The following KAZN variants were observed in gnomAD, a reference collection of about 807,000 sequenced individuals.
KAZN encodes kazrin, periplakin interacting protein, also known as kazrin.
KAZN carries 40 observed loss-of-function variants against 87.4 expected under a neutral mutation model. The ratio of observed to expected loss-of-function variants is 0.46; its 90% CI spans 0.36 to 0.60. KAZN has a LOEUF of 0.60. Among genes scored for constraint, KAZN ranks in the 20% least tolerant of loss-of-function variants. The probability of loss-of-function intolerance (pLI) is 0.00; values close to 1 mark genes in which losing one functional copy is unlikely to be tolerated. For missense variants in KAZN, 898 were observed against 1,073.9 expected, an observed-to-expected ratio of 0.84 and a Z score of 2.29; for synonymous variants, 466 against 458.3, an observed-to-expected ratio of 1.02 and a Z score of -0.22.
intron 2 of KAZN, among the ~76,000 whole-genome samples, chr1:14,393,697 A>AT (rs1006678894): frequency 2.0e-5 from 3 of 152,078 alleles, no homozygotes; most frequent in African/African-American, 4.8e-5. Context: ...GCTAGCATTG[A>AT]GGACCTAAAT....
intron 1 of KAZN, among the ~76,000 whole-genome samples, chr1:14,883,343 A>G (rs1572721745): frequency 3.9e-4 from 13 of 33,290 alleles, no homozygotes; most frequent in East Asian, 2.0e-3. Context: ...AGAGAGAGAG[A>G]AAGAAAGAAA....
In KAZN at chr1:15,044,072, G is replaced by A; in HGVS notation, c.639G>A (p.Lys213=). The A allele has an allele frequency of 1.2e-6, 2 of 1,612,912 alleles. No individual in the cohort carries two copies. Among genetic ancestry groups the A allele is most frequent in the African/African-American group, 2.7e-5 (2 of 75,050 alleles). Reference sequence around the variant, plus strand: ...AGTGGGAGCTGCGGCGCCAAGCCAAGGAGGCCACAGACCACGCCACGGCAC... The same window carrying A: ...AGTGGGAGCTGCGGCGCCAAGCCAAAGAGGCCACAGACCACGCCACGGCAC... ...REKWELRRQA[K]EATDHATALR... The change falls in exon 4 of 15, where the codon AAG becomes AAA. Residue 213 remains lysine (K), a synonymous_variant. Transcript: ENST00000376030.
chr1:14,457,294 C>A (rs1667615797), intron 2 of KAZN, among the ~76,000 whole-genome samples: 1 of 152,190 alleles, frequency 6.6e-6, no homozygotes, highest in South Asian at 2.1e-4. Context: ...TCTTCATATG[C>A]ATGTTAACCC....
intron 2 of KAZN, among the ~76,000 whole-genome samples, chr1:14,485,362 G>A (rs1433748993): frequency 6.6e-6 from 1 of 152,192 alleles, no homozygotes; most frequent in African/African-American, 2.4e-5. Context: ...TGAGGTAGGA[G>A]GTGGGACTCA....
At chr1:14,703,694 A>G (rs1207055005) in intron 1 of KAZN, among the ~76,000 whole-genome samples, 1 of 152,180 alleles carries the variant, frequency 6.6e-6, no homozygotes, top group Non-Finnish European at 1.5e-5. Context: ...CCTGGACCAC[A>G]TAGTGAGACT....
chr1:15,097,616 C>T (rs991631986), intron 10 of KAZN, among the ~76,000 whole-genome samples: 2 of 152,106 alleles, frequency 1.3e-5, no homozygotes. Flanking sequence ...ATCAGGAGTT[C>T]GAGACCAGCC....
chr1:14,194,192 C>T (rs186412360), intron 2 of KAZN, among the ~76,000 whole-genome samples: 1 of 152,176 alleles, frequency 6.6e-6, no homozygotes. Context: ...AATCTTGATA[C>T]TTTAGAGGAC....
chr1:14,670,402 G>T (rs1393430580), intron 1 of KAZN, among the ~76,000 whole-genome samples: 3 of 152,186 alleles, frequency 2.0e-5, no homozygotes, highest in Non-Finnish European at 1.5e-5. Context: ...GCTTCAGTAG[G>T]TCTGAGGTGG....
chr1:14,688,728 C>G (rs895257829), intron 1 of KAZN, among the ~76,000 whole-genome samples: 1 of 152,230 alleles, frequency 6.6e-6, no homozygotes, highest in African/African-American at 2.4e-5. Flanking sequence ...AGAACCTTGC[C>G]AAGGACACTG....
At chr1:14,903,619 T>C (rs1436166415) in intron 1 of KAZN, among the ~76,000 whole-genome samples, 1 of 152,218 alleles carries the variant, frequency 6.6e-6, no homozygotes, top group Non-Finnish European at 1.5e-5. Context: ...TGGCTAAAGA[T>C]AGGGATGATG....
chr1:14,250,309 A>G (rs1259907873), intron 2 of KAZN, among the ~76,000 whole-genome samples: 1 of 152,020 alleles, frequency 6.6e-6, no homozygotes, highest in Non-Finnish European at 1.5e-5. Flanking sequence ...CTCTATAAAT[A>G]CACTCATTTT....
chr1:13,976,239 T>C (rs915622087), intron 1 of KAZN, among the ~76,000 whole-genome samples: 3 of 152,206 alleles, frequency 2.0e-5, no homozygotes, highest in Admixed American at 6.5e-5. Flanking sequence ...TCCAAATGCA[T>C]CCATGCTTTT....
At chr1:14,601,285 G>A (rs1447307858) in intron 1 of KAZN, among the ~76,000 whole-genome samples, 1 of 152,166 alleles carries the variant, frequency 6.6e-6, no homozygotes, top group Non-Finnish European at 1.5e-5. Flanking sequence ...CTACTTGATT[G>A]TTGGCCGCAT....
intron 3 of KAZN, among the ~76,000 whole-genome samples, chr1:15,040,659 G>A (rs537523048): frequency 2.0e-5 from 3 of 151,966 alleles, no homozygotes; most frequent in Non-Finnish European, 2.9e-5. Context: ...CCAGCTACTC[G>A]GGAGGCTGAG....
At chr1:14,620,423 G>C (rs1286132634) in intron 1 of KAZN, among the ~76,000 whole-genome samples, 1 of 152,204 alleles carries the variant, frequency 6.6e-6, no homozygotes, top group Non-Finnish European at 1.5e-5. Context: ...TATCACCGTT[G>C]TTATTATTGA....
intron 1 of KAZN, among the ~76,000 whole-genome samples, chr1:14,761,752 G>T (rs532169825): frequency 6.6e-6 from 1 of 152,250 alleles, no homozygotes; most frequent in East Asian, 1.9e-4. Flanking sequence ...TCTTTTCTCA[G>T]TTCCAAGCCT....
chr1:14,833,274 T>A (rs1647104603), intron 1 of KAZN, among the ~76,000 whole-genome samples: 1 of 152,042 alleles, frequency 6.6e-6, no homozygotes, highest in Non-Finnish European at 1.5e-5. Flanking sequence ...GAAAGAACAA[T>A]GAGTGTCCAT....
intron 2 of KAZN, among the ~76,000 whole-genome samples, chr1:14,515,801 T>C (rs1222416261): frequency 6.6e-6 from 1 of 152,082 alleles, no homozygotes; most frequent in Non-Finnish European, 1.5e-5. Context: ...GTCTGCTTGG[T>C]TTTCTTCATG....
At position 14,930,050 on chromosome 1, in the gene KAZN, T is replaced by C. The variant is rs12044172; in HGVS notation, c.227-30634T>C. The C allele has an allele frequency of 0.11, 107,617 of 985,280 alleles. 6,618 individuals are homozygous for C. Among genetic ancestry groups the C allele is most frequent in the East Asian group, 0.28 (2,438 of 8,778 alleles). The allele number at this position is 985,280 out of a possible 1,614,324, so 61.0% of individuals were successfully genotyped here. On this transcript the variant is annotated intron_variant, in intron 1 of 14. Transcript: ENST00000376030. Reference sequence around the variant, plus strand: ...GAACCAGAAGAGTGTGACAGGTACGTGAGTGCTGGCCGCTGTCCCAGCCCT... The same window carrying C: ...GAACCAGAAGAGTGTGACAGGTACGCGAGTGCTGGCCGCTGTCCCAGCCCT...
Sources: allele counts gnomAD v4.1 joint callset (sites outside exome capture counted in the v4.1 genomes callset), GRCh38; gene constraint gnomAD v4.1.1; transcripts MANE v1.5; gene names NCBI Gene and HGNC (gene_info 2026-07-23, HGNC 2026-07-21).